Variants in PGM3 observed in about 807,000 individuals in gnomAD.
PGM3 encodes phosphoglucomutase 3, also known as phosphoacetylglucosamine mutase.
In PGM3, 40 loss-of-function variants were observed where a neutral mutation model predicts 66.2. The observed-to-expected ratio is 0.60, with a 90% CI of 0.47 to 0.79. PGM3 has a LOEUF of 0.79. Among genes scored for constraint, PGM3 ranks in the 30% least tolerant of loss-of-function variants. The pLI is 0.00. For missense variants in PGM3, 537 were observed against 643.4 expected, an observed-to-expected ratio of 0.83 and a Z score of 1.79; for synonymous variants, 191 against 224.2, an observed-to-expected ratio of 0.85 and a Z score of 1.32.
upstream of PGM3, chr6:83,193,269 C>G (rs1313769259): frequency 6.6e-6 from 1 of 152,348 alleles, no homozygotes; most frequent in African/African-American, 2.4e-5. Flanking sequence ...GAACCGCAGA[C>G]GTGGCCCTGC....
intron 8 of PGM3, among the ~76,000 whole-genome samples, chr6:83,177,686 A>G (rs1787882529): frequency 6.6e-6 from 1 of 152,218 alleles, no homozygotes; most frequent in Non-Finnish European, 1.5e-5. Flanking sequence ...GTCCTTAGGC[A>G]TGTCTTCCAA....
downstream of PGM3, chr6:83,159,998 A>C (rs1332383918): frequency 6.2e-7 from 1 of 1,603,706 alleles, no homozygotes; most frequent in Non-Finnish European, 8.5e-7. Context: ...TTATTTTTGA[A>C]AGTGCATTTG....
At chr6:83,162,387 T>C (rs1784441970), downstream of PGM3, among the ~76,000 whole-genome samples, 2 of 152,154 alleles carry the variant, frequency 1.3e-5, no homozygotes, top group Non-Finnish European at 2.9e-5. Flanking sequence ...CAGTTATATG[T>C]TGAAAAATCA....
Position 83,179,970 on chromosome 6 carries a change from A to G in PGM3, c.788-3T>C, listed in dbSNP as rs1788056900. ...TTCATTGGACTTAATTTCCATTCCTAGCACACAGGATAATTTAACATGCAT... is the reference window on the plus strand; with the variant it reads ...TTCATTGGACTTAATTTCCATTCCTGGCACACAGGATAATTTAACATGCAT... On this transcript the variant is annotated splice_region_variant and splice_polypyrimidine_tract_variant and intron_variant, in intron 6 of 12. Coordinates refer to ENST00000513973, the MANE Select transcript of PGM3 (RefSeq NM_015599.3). The G allele has an allele frequency of 3.1e-6, 5 of 1,603,416 alleles. No homozygotes were observed. Among genetic ancestry groups the G allele is most frequent in the Non-Finnish European group, 4.3e-6 (5 of 1,172,982 alleles).
the PGM3 span, chr6:83,153,507 A>C: frequency 6.3e-7 from 1 of 1,577,746 alleles, no homozygotes; most frequent in East Asian, 2.3e-5. Flanking sequence ...TTATGTTTTC[A>C]TAGGTTTTGG....
chr6:83,183,648 GA>G (rs1278873985), intron 4 of PGM3, among the ~76,000 whole-genome samples: 3 of 152,152 alleles, frequency 2.0e-5, no homozygotes, highest in Non-Finnish European at 4.4e-5. Flanking sequence ...CATTCTTGAA[GA>G]GCTGTTACCA....
the PGM3 span, chr6:83,151,588 T>C: frequency 1.9e-6 from 3 of 1,594,736 alleles, no homozygotes; most frequent in Non-Finnish European, 2.6e-6. Flanking sequence ...CTTTGGCCCT[T>C]TTAGGGTTCT....
chr6:83,170,006 A>G (rs1430260552), intron 12 of PGM3, among the ~76,000 whole-genome samples: 2 of 152,240 alleles, frequency 1.3e-5, no homozygotes, highest in African/African-American at 4.8e-5. Context: ...AGGATCATCT[A>G]CCTTATAGTG....
At chr6:83,187,887 C>T (rs1788703174) in intron 3 of PGM3, among the ~76,000 whole-genome samples, 1 of 152,156 alleles carries the variant, frequency 6.6e-6, no homozygotes, top group African/African-American at 2.4e-5. Context: ...GAACCAAATA[C>T]ATGTGGGATG....
In PGM3 at chr6:83,179,832, A is replaced by C; in HGVS notation, c.923T>G (p.Phe308Cys). ...GDKIATLISS[F>C]LKELLVEIGE... ...TACCTCCACCAGGAGCTCTTTAAGGAAACTGCTAATTAACGTTGCTATCTT... is the reference window on the plus strand; with the variant it reads ...TACCTCCACCAGGAGCTCTTTAAGGCAACTGCTAATTAACGTTGCTATCTT... Residue 308 changes from phenylalanine to cysteine, a missense_variant, in exon 7 of 13, where the codon TTC becomes TGC. Physicochemically the swap from Phe to Cys is radical, Grantham distance 205. Transcript: ENST00000513973. 6.2e-7 allele frequency: 1 copy of C among 1,612,520 alleles called. No homozygotes were observed.
In PGM3 at chr6:83,190,939, G is replaced by A. The variant is rs1465793011; in HGVS notation, c.74C>T (p.Thr25Ile). The A allele has an allele frequency of 6.2e-7, 1 of 1,614,102 alleles. No homozygotes were observed. The highest frequency in any genetic ancestry group is 8.5e-7 in the Non-Finnish European group (1 of 1,179,954). ...KPNGLILQYG[T>I]AGFRTKAEHL... ...TTCTGCCTTCGTTCGAAATCCAGCA[G>A]TCCCGTATTGAAGGATCAGTCCATT... The change falls in exon 2 of 13, where the codon ACT becomes ATT. Residue 25 changes from threonine to isoleucine, a missense_variant. Thr to Ile is a moderately conservative substitution (Grantham distance 89). Coordinates refer to ENST00000513973, the MANE Select transcript of PGM3 (RefSeq NM_015599.3).
the PGM3 span, chr6:83,154,336 G>C: frequency 2.6e-6 from 3 of 1,138,018 alleles, no homozygotes; most frequent in Non-Finnish European, 3.9e-6. Context: ...GGAGACTACT[G>C]AATTAGCTCT....
chr6:83,188,902 G>A (rs1788819347), intron 2 of PGM3, 104 bp from the exon 3 acceptor site: 2 of 836,480 alleles, frequency 2.4e-6, no homozygotes, highest in Non-Finnish European at 1.9e-6. Context: ...AGTGATGGCT[G>A]AGCAGCTTCA....
chr6:83,154,384 G>A, the PGM3 span: 1 of 695,754 alleles, frequency 1.4e-6, no homozygotes, highest in African/African-American at 1.8e-5. Flanking sequence ...TCTAGGGAAA[G>A]CACACTACTT....
At chr6:83,183,084 C>G in intron 4 of PGM3, 106 bp from the exon 5 acceptor site, 2 of 946,044 alleles carry the variant, frequency 2.1e-6, no homozygotes, top group Non-Finnish European at 3.2e-6. Flanking sequence ...CCTTTTGTGT[C>G]ATCTCAGACA....
downstream of PGM3, among the ~76,000 whole-genome samples, chr6:83,156,754 A>G (rs990634570): frequency 1.3e-5 from 2 of 152,204 alleles, no homozygotes; most frequent in African/African-American, 4.8e-5. Flanking sequence ...TTTCTCCCAG[A>G]AGACAAATGA....
intron 6 of PGM3, among the ~76,000 whole-genome samples, chr6:83,180,957 T>C (rs1788135819): frequency 6.6e-6 from 1 of 152,246 alleles, no homozygotes; most frequent in South Asian, 2.1e-4. Context: ...CATTTTCTGA[T>C]TTTGGTAAAG....
chr6:83,179,830 G>A lies in PGM3; in HGVS notation c.925C>T (p.Leu309Phe), dbSNP rs1788044722. The A allele has an allele frequency of 6.2e-7, 1 of 1,611,502 alleles. No homozygotes were observed. Among genetic ancestry groups the A allele is most frequent in the African/African-American group, 1.3e-5 (1 of 74,842 alleles). ...DKIATLISSFLKELLVEIGES... is the reference protein window; with the variant it reads ...DKIATLISSFFKELLVEIGES... ...CATACCTCCACCAGGAGCTCTTTAA[G>A]GAAACTGCTAATTAACGTTGCTATC... The change falls in exon 7 of 13, where the codon CTT (leucine) becomes TTT (phenylalanine). Residue 309 changes from leucine to phenylalanine, a missense_variant. By Grantham distance (22) the Leu-to-Phe change is conservative (BLOSUM62 0). Transcript: ENST00000513973.
In PGM3 at chr6:83,166,508, A is replaced by G; in HGVS notation, c.*2726T>C. 1 of 698,048 alleles carries G rather than the reference A, an allele frequency of 1.4e-6. No homozygotes were observed. The highest frequency in any genetic ancestry group is 2.6e-6 in the Non-Finnish European group (1 of 385,274). 43.2% of individuals were successfully genotyped at this position (698,048 alleles called of 1,614,324 possible). A position where few individuals can be genotyped will look rare whatever the true frequency, so the allele number is the denominator to read the frequency against. ...AAATCGCTAAATTTGATTTTTGTCTAACATCATTTCCATAGTCTAAAATAA... is the reference window on the plus strand; with the variant it reads ...AAATCGCTAAATTTGATTTTTGTCTGACATCATTTCCATAGTCTAAAATAA... On this transcript the variant is annotated 3_prime_UTR_variant, in exon 13 of 13. Transcript: ENST00000513973.
Sources: allele counts gnomAD v4.1 joint callset (sites outside exome capture counted in the v4.1 genomes callset), GRCh38; gene constraint gnomAD v4.1.1; transcripts MANE v1.5; gene names NCBI Gene and HGNC (gene_info 2026-07-23, HGNC 2026-07-21).